PHACTR1: variants seen among roughly 807,000 people sequenced by gnomAD.
PHACTR1 encodes the protein phosphatase and actin regulator 1.
Under a neutral mutation model 69.2 loss-of-function variants are expected in PHACTR1, and 16 were observed. That is an observed-to-expected ratio of 0.23 (90% CI 0.16 to 0.35). The LOEUF (loss-of-function observed/expected upper bound fraction) is 0.35, where lower values mean the gene tolerates loss of function less well. Ranked by LOEUF, PHACTR1 falls within the 10% of genes least tolerant of loss-of-function variation. The pLI is 1.00. For synonymous variants in PHACTR1, 312 were observed against 284.5 expected (o/e 1.10, Z -0.97); for missense variants, 510 against 734.7 (o/e 0.69, Z 3.54).
chr6:12,878,939 C>T (rs1031687444), intron 4 of PHACTR1, among the ~76,000 whole-genome samples: 6 of 152,176 alleles, frequency 3.9e-5, no homozygotes, highest in African/African-American at 1.4e-4. Context: ...ATGCAATCAT[C>T]ACCCGTTTAA....
At chr6:13,140,374 G>A in intron 5 of PHACTR1, among the ~76,000 whole-genome samples, 1 of 152,170 alleles carries the variant, frequency 6.6e-6, no homozygotes, top group Non-Finnish European at 1.5e-5. Context: ...CCAAGAGGTG[G>A]AAGCAACCCA....
chr6:13,115,572 A>T (rs959251171), intron 5 of PHACTR1, among the ~76,000 whole-genome samples: 30 of 152,170 alleles, frequency 2.0e-4, no homozygotes, highest in African/African-American at 7.2e-4. Flanking sequence ...AGGTGGTCTC[A>T]GGAAACAGGA....
At chr6:13,212,481 C>G (rs913869261) in intron 8 of PHACTR1, among the ~76,000 whole-genome samples, 4 of 147,620 alleles carry the variant, frequency 2.7e-5, no homozygotes, top group Non-Finnish European at 4.6e-5. Flanking sequence ...CCTGCACACA[C>G]CCCTTTTGCA....
intron 11 of PHACTR1, 189 bp from the exon 12 acceptor site, chr6:13,278,079 T>A (rs1055435627): frequency 2.0e-6 from 1 of 503,964 alleles, no homozygotes; most frequent in Admixed American, 3.7e-5. Context: ...CAGTAGCAAT[T>A]TGAAACAACG....
chr6:13,235,213 G>C (rs141271090), intron 10 of PHACTR1, among the ~76,000 whole-genome samples: 1 of 151,730 alleles, frequency 6.6e-6, no homozygotes, highest in African/African-American at 2.4e-5. Flanking sequence ...CACCTACCCC[G>C]CCCCATGCAA....
Position 13,182,540 on chromosome 6 carries a change from A to G in PHACTR1, c.518A>G (p.Asn173Ser), listed in dbSNP as rs1466195767. 16 of 1,613,806 alleles carry G rather than the reference A, an allele frequency of 9.9e-6. No individual in the cohort carries two copies. Among genetic ancestry groups the G allele is most frequent in the East Asian group, 4.5e-5 (2 of 44,888 alleles). The change falls in exon 7 of 15, where the codon AAT (asparagine) becomes AGT (serine). Residue 173 changes from asparagine to serine, a missense_variant. Coordinates refer to ENST00000332995, the MANE Select transcript of PHACTR1 (RefSeq NM_030948.6). ...YDKDGELSIS[N>S]EEDSLENGQS... ...ACAGATGGGGAACTCTCTATATCCA[A>G]TGAAGAGGACTCCCTAGAAAATGGG...
In PHACTR1 at chr6:13,115,880, C is replaced by T. The variant is rs180833475; in HGVS notation, c.416-44324C>T. Among the ~76,000 whole-genome samples, 247 of 152,270 alleles carry T rather than the reference C, an allele frequency of 1.6e-3. 2 individuals carry two copies. The highest frequency in any genetic ancestry group is 5.4e-3 in the African/African-American group (225 of 41,558). ...AACACATTTCTTCTAAAAAATTTCA[C>T]CAAGCCCAGAGACAGAACAGCAGGT... On this transcript the variant is annotated intron_variant, in intron 5 of 14. Transcript: ENST00000332995.
At chr6:12,833,832 C>T (rs1777858243) in intron 4 of PHACTR1, among the ~76,000 whole-genome samples, 1 of 152,114 alleles carries the variant, frequency 6.6e-6, no homozygotes, top group Admixed American at 6.5e-5. Flanking sequence ...GTGGACAGTG[C>T]CTGGGCTGGC....
At chr6:13,222,375 G>A (rs547014487) in intron 8 of PHACTR1, among the ~76,000 whole-genome samples, 1 of 152,350 alleles carries the variant, frequency 6.6e-6, no homozygotes, top group Non-Finnish European at 1.5e-5. Context: ...TCAGCCTGGA[G>A]CTCTTGCATT....
chr6:12,939,395 G>T (rs1789826611), intron 4 of PHACTR1, among the ~76,000 whole-genome samples: 1 of 152,096 alleles, frequency 6.6e-6, no homozygotes, highest in African/African-American at 2.4e-5. Flanking sequence ...TGGACTGGAT[G>T]TCAGAAAACC....
Position 13,189,913 on chromosome 6 carries a change from G to A in PHACTR1, c.664+7227G>A, listed in dbSNP as rs576690218. ...GCTGGAAAGTCCAAGATCAAGGTCC[G>A]TAGGGTTCGGTTTCTAGTGACATAT... On this transcript the variant is annotated intron_variant, in intron 7 of 14. Transcript: ENST00000332995. Among the ~76,000 whole-genome samples, 8 of 152,016 alleles carry A rather than the reference G, an allele frequency of 5.3e-5. No individual in the cohort carries two copies. In the South Asian group the frequency reaches 1.2e-3, roughly 24 times the overall value.
chr6:13,194,879 C>G (rs1483444999), intron 7 of PHACTR1, among the ~76,000 whole-genome samples: 1 of 152,076 alleles, frequency 6.6e-6, no homozygotes, highest in Non-Finnish European at 1.5e-5. Context: ...GTTATCATGG[C>G]CCTTGAGGTT....
At chr6:12,843,156 T>C (rs1186859570) in intron 4 of PHACTR1, among the ~76,000 whole-genome samples, 1 of 152,224 alleles carries the variant, frequency 6.6e-6, no homozygotes, top group Non-Finnish European at 1.5e-5. Flanking sequence ...TTCAGAACTT[T>C]TCTATTATTA....
chr6:13,064,760 T>A (rs574463084), intron 5 of PHACTR1, among the ~76,000 whole-genome samples: 1 of 150,440 alleles, frequency 6.6e-6, no homozygotes, highest in East Asian at 2.0e-4. Flanking sequence ...TAGGTCTTTT[T>A]GTAACAAGTT....
intron 4 of PHACTR1, among the ~76,000 whole-genome samples, chr6:13,027,154 A>G (rs2127681541): frequency 6.6e-6 from 1 of 152,220 alleles, no homozygotes; most frequent in South Asian, 2.1e-4. Context: ...GAAAGAGGGT[A>G]CCGGGTACCG....
rs151176491 is a variant in PHACTR1, at chr6:12,852,574, T to C, written c.250+102784T>C. Among the ~76,000 whole-genome samples, 289 of 152,230 alleles carry C rather than the reference T, an allele frequency of 1.9e-3. 1 individual carries two copies. The highest frequency in any genetic ancestry group is 6.7e-3 in the African/African-American group (280 of 41,526). The stretch of plus-strand genomic sequence containing the variant: ...GACCAGATGATTTCTGCAATCTCTT[T>C]ATATTTATATTTATATTTACTGATA... On this transcript the variant is annotated intron_variant, in intron 4 of 14. Transcript: ENST00000332995.
intron 4 of PHACTR1, among the ~76,000 whole-genome samples, chr6:12,842,770 T>C (rs545961404): frequency 1.5e-4 from 23 of 152,178 alleles, no homozygotes; most frequent in African/African-American, 5.1e-4. Context: ...GGTCTCAAAC[T>C]CTTGGCCTTA....
At chr6:13,148,226 A>T in intron 5 of PHACTR1, among the ~76,000 whole-genome samples, 1 of 148,912 alleles carries the variant, frequency 6.7e-6, no homozygotes, top group Non-Finnish European at 1.5e-5. Context: ...AAGTTGAGAG[A>T]ATTGTATAAT....
chr6:13,003,480 AATAG>A (rs1798335197), intron 4 of PHACTR1, among the ~76,000 whole-genome samples: 1 of 152,296 alleles, frequency 6.6e-6, no homozygotes, highest in South Asian at 2.1e-4. Context: ...TTCCAGTGTA[AATAG>A]ATAGATGGAT....
Sources: gnomAD v4.1 joint callset for allele counts (sites outside exome capture counted in the v4.1 genomes callset) on GRCh38, gnomAD v4.1.1 for gene constraint, MANE v1.5 for transcripts, NCBI Gene and HGNC (gene_info 2026-07-23, HGNC 2026-07-21) for gene names.